Variants in BSN observed in about 807,000 individuals in gnomAD.
The protein encoded by BSN is bassoon presynaptic cytomatrix protein.
A neutral mutation model predicts 264.8 loss-of-function variants in BSN; 57 were observed. The observed-to-expected ratio is 0.22, with a 90% CI of 0.17 to 0.27. The LOEUF (loss-of-function observed/expected upper bound fraction) is 0.27. Among genes scored for constraint, BSN ranks in the 10% least tolerant of loss-of-function variants. The probability of loss-of-function intolerance (pLI) is 1.00; values close to 1 mark genes in which losing one functional copy is unlikely to be tolerated. For missense variants in BSN, 4,615 were observed against 5,232.5 expected, an observed-to-expected ratio of 0.88 and a Z score of 3.64; for synonymous variants, 2,059 against 2,137.3, an observed-to-expected ratio of 0.96 and a Z score of 1.01.
chr3:49,554,698 C>G lies in BSN; in HGVS notation c.96C>G (p.Gly32=). 1 of 1,132,762 alleles carries G rather than the reference C, an allele frequency of 8.8e-7. No individual in the cohort carries two copies. The highest frequency in any genetic ancestry group is 1.1e-6 in the Non-Finnish European group (1 of 922,614). 70.2% of individuals were successfully genotyped at this position (1,132,762 alleles called of 1,614,324 possible). The change falls in exon 1 of 12, where the codon GGC becomes GGG. Residue 32 remains glycine (G), a synonymous_variant. Transcript: ENST00000296452. ...GCCCGGGCCCCGGCCCCGGCCCCGG[C>G]GCAGGAAAGCCGCCTTCAGCACCGG... ...GPGPGPGPGP[G]AGKPPSAPAG...
chr3:49,641,594 A>C (rs2052464971), intron 2 of BSN: 1 of 152,210 alleles, frequency 6.6e-6, no homozygotes, highest in Non-Finnish European at 1.5e-5. Context: ...GGCTTTAAAA[A>C]ATTCTACTTA....
At chr3:49,623,864 A>G (rs771585543) in intron 1 of BSN, among the ~76,000 whole-genome samples, 6 of 152,224 alleles carry the variant, frequency 3.9e-5, no homozygotes, top group African/African-American at 7.2e-5. Context: ...ATCTCAATAT[A>G]GTAACTTGGG....
At position 49,652,586 on chromosome 3, in the gene BSN, C is replaced by A. The variant is rs1178956014; in HGVS notation, c.3030C>A (p.Pro1010=). 1 of 1,613,500 alleles carries A rather than the reference C, an allele frequency of 6.2e-7. No homozygotes were observed. Among genetic ancestry groups the A allele is most frequent in the Middle Eastern group, 1.6e-4 (1 of 6,062 alleles). The part of the protein sequence containing the change: ...SSLEEDSDSS[P]SRRQRLEEAK... ...TAGAGGAGGACAGTGACAGCAGCCC[C>A]AGCCGCAGGCAGCGTCTAGAAGAAG... is the stretch of plus-strand genomic sequence containing the variant. Residue 1010 remains proline (P), a synonymous_variant, in exon 5 of 12, where the codon CCC becomes CCA. Coordinates refer to ENST00000296452, the MANE Select transcript of BSN (RefSeq NM_003458.4).
intron 1 of BSN, among the ~76,000 whole-genome samples, chr3:49,583,444 T>C (rs1455858352): frequency 3.3e-5 from 5 of 152,126 alleles, no homozygotes; most frequent in African/African-American, 1.2e-4. Flanking sequence ...AGTATCTTTG[T>C]TGATATTAAT....
At chr3:49,624,300 C>CCTTTTTTTTTTTT (rs2052326362) in intron 1 of BSN, among the ~76,000 whole-genome samples, 1 of 67,184 alleles carries the variant, frequency 1.5e-5, no homozygotes, top group Admixed American at 2.4e-4. Flanking sequence ...CGTGCCCAGC[C>CCTTTTTTTTTTTT]TTTTTTTTTT....
chr3:49,662,523 A>G lies in BSN; in HGVS notation c.10678A>G (p.Ile3560Val). The G allele has an allele frequency of 1.2e-6, 2 of 1,605,338 alleles. No homozygotes were observed. Among genetic ancestry groups the G allele is most frequent in the Non-Finnish European group, 8.5e-7 (1 of 1,176,604 alleles). The change falls in exon 6 of 12, where the codon ATC becomes GTC. Residue 3560 changes from isoleucine (I) to valine (V), a missense_variant. By Grantham distance (29) the Ile-to-Val change is conservative. Coordinates refer to ENST00000296452, the MANE Select transcript of BSN (RefSeq NM_003458.4). ...AHAYKREEGY[I>V]LDDSHCVVSD... The stretch of plus-strand genomic sequence containing the variant: ...CGCATATAAGCGTGAGGAGGGCTAC[A>G]TCCTGGATGATTCCCATTGCGTGGT...
chr3:49,558,253 G>T (rs1474665747), intron 1 of BSN, among the ~76,000 whole-genome samples: 1 of 152,254 alleles, frequency 6.6e-6, no homozygotes, highest in Non-Finnish European at 1.5e-5. Flanking sequence ...GTCTACACAG[G>T]CAGGGACAGT....
rs1269471843 is a variant in BSN, at chr3:49,657,799, AGATCGTCACCCCAGGGCCTCTG to A, written c.8245_8266del (p.Ile2749AlafsTer28). ...ATCAGCCCCTACCTGCCTGGCATCC[AGATCGTCACCCCAGGGCCTCTG>A]GGCAGATTTGAAAAAAAGAAGCCAG... is the stretch of plus-strand genomic sequence containing the variant. On this transcript the variant is annotated frameshift_variant, in exon 5 of 12. Coordinates refer to ENST00000296452, the MANE Select transcript of BSN (RefSeq NM_003458.4). LOFTEE classifies it high-confidence loss of function. The A allele has an allele frequency of 6.3e-7, 1 of 1,575,968 alleles. No homozygotes were observed.
chr3:49,646,543 A>G (rs2052504485), intron 3 of BSN, among the ~76,000 whole-genome samples: 1 of 152,212 alleles, frequency 6.6e-6, no homozygotes, highest in Admixed American at 6.5e-5. Context: ...CATGTAGAAT[A>G]GGGACCACAA....
intron 1 of BSN, among the ~76,000 whole-genome samples, chr3:49,575,381 T>C (rs2051835498): frequency 6.7e-6 from 1 of 149,104 alleles, no homozygotes. Context: ...TGTATATATA[T>C]GTAAATATAT....
At chr3:49,617,873 G>A (rs2052273586) in intron 1 of BSN, among the ~76,000 whole-genome samples, 1 of 152,094 alleles carries the variant, frequency 6.6e-6, no homozygotes, top group Non-Finnish European at 1.5e-5. Flanking sequence ...TTTGGGACAG[G>A]GCTTGGGCAT....
intron 1 of BSN, among the ~76,000 whole-genome samples, chr3:49,592,707 C>T (rs2051988988): frequency 6.6e-6 from 1 of 150,632 alleles, no homozygotes; most frequent in South Asian, 2.1e-4. Context: ...GCCGAGATAG[C>T]GCCGCTGCAC....
chr3:49,565,144 C>CTTTTT (rs971015437), intron 1 of BSN, among the ~76,000 whole-genome samples: 14 of 104,574 alleles, frequency 1.3e-4, no homozygotes, highest in Non-Finnish European at 1.5e-4. Context: ...AGAGGATTTT[C>CTTTTT]TTTTTTTTTT....
At chr3:49,671,659 T>C (rs2052764883), downstream of BSN, 1 of 152,306 alleles carries the variant, frequency 6.6e-6, no homozygotes, top group Admixed American at 6.5e-5. The surrounding 1 kb of genome is among the most constrained non-coding windows in gnomAD (Gnocchi z 4.1). Context: ...TGGACAAAGT[T>C]GCAGAAGTGC....
chr3:49,641,585 G>A lies in BSN; in HGVS notation c.634-683G>A, dbSNP rs1372761134. The A allele has an allele frequency of 2.6e-5, 4 of 152,090 alleles. No individual in the cohort carries two copies. The East Asian group carries it at 7.7e-4, about 29-fold the overall frequency. 9.4% of individuals were successfully genotyped at this position (152,090 alleles called of 1,614,324 possible). On this transcript the variant is annotated intron_variant, in intron 2 of 11. Transcript: ENST00000296452. Reference sequence around the variant, plus strand: ...TATCTTCCTTAAGGGAAAAAAAAAGGCTTTAAAAAATTCTACTTAACATCA... The same window carrying A: ...TATCTTCCTTAAGGGAAAAAAAAAGACTTTAAAAAATTCTACTTAACATCA...
chr3:49,661,758 C>T lies in BSN; in HGVS notation c.9913C>T (p.Leu3305Phe), dbSNP rs1278854486. The change falls in exon 6 of 12, where the codon CTC (leucine) becomes TTC (phenylalanine). Residue 3305 changes from leucine to phenylalanine, a missense_variant. Leu to Phe is a conservative substitution (Grantham distance 22). Coordinates refer to ENST00000296452, the MANE Select transcript of BSN (RefSeq NM_003458.4). ...SYDPRGKGGH[L>F]RSMESNGRPA... is the part of the protein sequence containing the mutation. ...CGATCCCCGCGGGAAGGGTGGCCACCTCCGGAGCATGGAGAGCAATGGTCG... is the reference window on the plus strand; with the variant it reads ...CGATCCCCGCGGGAAGGGTGGCCACTTCCGGAGCATGGAGAGCAATGGTCG... The T allele has an allele frequency of 1.9e-6, 3 of 1,613,292 alleles. No individual in the cohort carries two copies. Among genetic ancestry groups the T allele is most frequent in the East Asian group, 2.2e-5 (1 of 44,890 alleles).
intron 1 of BSN, among the ~76,000 whole-genome samples, chr3:49,569,493 C>G (rs1013931003): frequency 6.6e-6 from 1 of 152,114 alleles, no homozygotes; most frequent in Non-Finnish European, 1.5e-5. Context: ...GAAAGATGAA[C>G]AGGTAGATTA....
At chr3:49,644,920 A>G (rs1019424414) in intron 3 of BSN, among the ~76,000 whole-genome samples, 1 of 152,220 alleles carries the variant, frequency 6.6e-6, no homozygotes, top group Non-Finnish European at 1.5e-5. Context: ...CTGCCCAAAC[A>G]GAAGAGTTTC....
At chr3:49,649,959 G>T (rs1318146080) in intron 3 of BSN, among the ~76,000 whole-genome samples, 1 of 152,238 alleles carries the variant, frequency 6.6e-6, no homozygotes. Flanking sequence ...CTACCTGAGG[G>T]TCTCTGCTGG....
Sources: allele counts gnomAD v4.1 joint callset (sites outside exome capture counted in the v4.1 genomes callset), GRCh38; gene constraint gnomAD v4.1.1; non-coding constraint Gnocchi (gnomAD v3.1); transcripts MANE v1.5; gene names NCBI Gene and HGNC (gene_info 2026-07-23, HGNC 2026-07-21).